The following FRYL variants were observed in gnomAD, a reference collection of about 807,000 sequenced individuals.
FRYL encodes the protein protein furry homolog-like.
FRYL carries 150 observed loss-of-function variants against 351.2 expected under a neutral mutation model. The ratio of observed to expected loss-of-function variants is 0.43; its 90% confidence interval spans 0.37 to 0.49. FRYL has a LOEUF of 0.49. Ranked by LOEUF, FRYL falls within the 20% of genes least tolerant of loss-of-function variation. The pLI is 0.00. For synonymous variants in FRYL, 1,153 were observed against 1,257.1 expected (o/e 0.92, Z 1.75); for missense variants, 3,036 against 3,619.3 (o/e 0.84, Z 4.13).
intron 46 of FRYL, 29 bp from the exon 47 acceptor site, chr4:48,540,097 A>C: frequency 1.3e-6 from 2 of 1,524,082 alleles, no homozygotes; most frequent in Non-Finnish European, 1.8e-6. Context: ...GCAAACAATA[A>C]CCAATTTTAT....
rs763750038 is a variant in FRYL, at chr4:48,579,094, T to C, written c.2407A>G (p.Ile803Val). ...HVTQGQDPWI[I>V]SLSSFLKQEN... ...TGCTTTAAAAAACTGGAGAGACTTA[T>C]AATCCATGGGTCTTGGCCTTGGGTC... Residue 803 changes from isoleucine (I) to valine (V), a missense_variant, in exon 23 of 64, where the codon ATA (isoleucine) becomes GTA (valine). Ile to Val is a conservative substitution (Grantham distance 29). Around this residue, in one of 7 missense-constraint regions of FRYL, gnomAD observed 492 missense variants for 551.5 expected, o/e 0.89. Transcript: ENST00000358350. 4 of 1,614,070 alleles carry C rather than the reference T, an allele frequency of 2.5e-6. No individual in the cohort carries two copies. In the African/African-American group the frequency reaches 4.0e-5, roughly 16 times the overall value.
At chr4:48,772,087 T>A (rs1237386501) in intron 1 of FRYL, among the ~76,000 whole-genome samples, 2 of 152,228 alleles carry the variant, frequency 1.3e-5, no homozygotes, top group African/African-American at 4.8e-5. Context: ...GACATACGAA[T>A]GTCACTAAAT....
At chr4:48,705,981 C>T (rs1205767285) in intron 2 of FRYL, among the ~76,000 whole-genome samples, 2 of 152,114 alleles carry the variant, frequency 1.3e-5, no homozygotes, top group African/African-American at 2.4e-5. Context: ...GAACTACAGG[C>T]ACACGCCACC....
chr4:48,743,021 G>A (rs547723840), intron 1 of FRYL, among the ~76,000 whole-genome samples: 1 of 128,124 alleles, frequency 7.8e-6, no homozygotes, highest in East Asian at 2.4e-4. Context: ...GTTTCATCAC[G>A]TCGATCAGGC....
At chr4:48,576,258 T>A (rs1578191797) in intron 23 of FRYL, 36 bp from the exon 24 acceptor site, 5 of 1,402,896 alleles carry the variant, frequency 3.6e-6, no homozygotes, top group Non-Finnish European at 4.8e-6. Context: ...CAGATATGAA[T>A]AACACAACAC....
chr4:48,509,097 T>C (rs1016854141), intron 59 of FRYL, among the ~76,000 whole-genome samples: 2 of 152,144 alleles, frequency 1.3e-5, no homozygotes, highest in Non-Finnish European at 2.9e-5. Context: ...ATAACCATGA[T>C]GGAAAAGGCT....
chr4:48,720,179 T>C (rs1459727928), intron 1 of FRYL, among the ~76,000 whole-genome samples: 4 of 141,490 alleles, frequency 2.8e-5, no homozygotes, highest in Admixed American at 7.3e-5. Flanking sequence ...AAAATACATA[T>C]AATTTACCAT....
intron 20 of FRYL, 28 bp downstream of exon 20, chr4:48,582,469 A>G: frequency 6.9e-7 from 1 of 1,443,594 alleles, no homozygotes; most frequent in Non-Finnish European, 9.8e-7. Context: ...GACCACATAC[A>G]AAAGGACAAT....
At chr4:48,672,689 A>G (rs1446161629) in intron 3 of FRYL, among the ~76,000 whole-genome samples, 2 of 152,138 alleles carry the variant, frequency 1.3e-5, no homozygotes, top group East Asian at 1.9e-4. Context: ...TCACTTCTGA[A>G]TTCCAAACAA....
In FRYL at chr4:48,540,527, G is replaced by A. The variant is rs1443015317; in HGVS notation, c.6121C>T (p.Arg2041Ter). ...IHLPLDKSES[R>*]EKIENVQSKL... The stretch of plus-strand genomic sequence containing the variant: ...CTTTGTACATTTTCAATCTTCTCTC[G>A]ACTCTCTGATTTATCCAAAGGCAAA... The change falls in exon 46 of 64, where the codon CGA (arginine) becomes TGA (stop). Residue 2041 changes from arginine to a stop codon, truncating the protein, a stop_gained. Transcript: ENST00000358350. LOFTEE classifies it high-confidence loss of function. The A allele has an allele frequency of 6.2e-7, 1 of 1,613,936 alleles. No homozygotes were observed. Among genetic ancestry groups the A allele is most frequent in the East Asian group, 2.2e-5 (1 of 44,876 alleles).
At chr4:48,694,829 TG>T (rs1308268155) in intron 2 of FRYL, among the ~76,000 whole-genome samples, 3 of 152,002 alleles carry the variant, frequency 2.0e-5, no homozygotes, top group African/African-American at 7.2e-5. Context: ...CTCAGCACTT[TG>T]GGGGGCCAAC....
chr4:48,649,659 A>T (rs191511769), intron 3 of FRYL, among the ~76,000 whole-genome samples: 39 of 152,316 alleles, frequency 2.6e-4, no homozygotes, highest in Admixed American at 2.5e-3. Flanking sequence ...TTTTTAAAAG[A>T]AGTAATGCCT....
Position 48,564,616 on chromosome 4 carries a change from A to C in FRYL, c.3441+317T>G, listed in dbSNP as rs148189202. ...AACGAAATGAAACATAGCAAATAAC[A>C]TATTTTTCCCATGCAGCTCAATATG... On this transcript the variant is annotated intron_variant, in intron 30 of 63. Coordinates refer to ENST00000358350, the MANE Select transcript of FRYL (RefSeq NM_015030.2). Among the ~76,000 whole-genome samples, 375 of 152,278 alleles carry C rather than the reference A, an allele frequency of 2.5e-3. 1 individual carries two copies. The highest frequency in any genetic ancestry group is 8.6e-3 in the African/African-American group (357 of 41,546).
At chr4:48,635,531 G>C (rs997300125) in intron 3 of FRYL, among the ~76,000 whole-genome samples, 3 of 152,188 alleles carry the variant, frequency 2.0e-5, no homozygotes, top group African/African-American at 7.2e-5. Flanking sequence ...AGATGGAGAT[G>C]ACACGGTGCT....
rs1359854258 is a variant in FRYL at position 48,576,158 on chromosome 4, T to A, written c.2593A>T (p.Arg865Ter). ...TSSDSYIGLW[R>*]NYLILCCSAA... Reference sequence around the variant, plus strand: ...CTGCAGCAAAGGATCAGATAGTTTCTCCACAGGCCAATGTATGAGTCACTG... The same window carrying A: ...CTGCAGCAAAGGATCAGATAGTTTCACCACAGGCCAATGTATGAGTCACTG... Residue 865 changes from arginine to a stop codon, truncating the protein, a stop_gained, in exon 24 of 64, where the codon AGA becomes TGA. Transcript: ENST00000358350. LOFTEE classifies it high-confidence loss of function. 1 of 1,613,888 alleles carries A rather than the reference T, an allele frequency of 6.2e-7. No individual in the cohort carries two copies. The highest frequency in any genetic ancestry group is 8.5e-7 in the Non-Finnish European group (1 of 1,179,900).
chr4:48,744,851 T>C (rs940122497), intron 1 of FRYL, among the ~76,000 whole-genome samples: 5 of 152,150 alleles, frequency 3.3e-5, no homozygotes, highest in African/African-American at 1.2e-4. Flanking sequence ...CCACCCATAA[T>C]ATAGTGTGAA....
At chr4:48,663,384 A>G (rs189088881) in intron 3 of FRYL, among the ~76,000 whole-genome samples, 1 of 151,220 alleles carries the variant, frequency 6.6e-6, no homozygotes, top group African/African-American at 2.4e-5. Context: ...CAAGAATAGA[A>G]TAAATTAGAA....
At chr4:48,681,227 A>G (rs1764556872) in intron 3 of FRYL, 5 of 381,152 alleles carry the variant, frequency 1.3e-5, no homozygotes, top group Non-Finnish European at 2.0e-5. Context: ...GTCAAAGAGC[A>G]AATAAACGTC....
chr4:48,730,280 G>A (rs562363335), intron 1 of FRYL, among the ~76,000 whole-genome samples: 2 of 152,278 alleles, frequency 1.3e-5, no homozygotes, highest in East Asian at 1.9e-4. Flanking sequence ...TGAAAGTGAT[G>A]GGGAGAAGGA....
Sources: allele counts gnomAD v4.1 joint callset (sites outside exome capture counted in the v4.1 genomes callset), GRCh38; gene constraint gnomAD v4.1.1; regional missense constraint gnomAD v4.1.1; transcripts MANE v1.5; gene names NCBI Gene and HGNC (gene_info 2026-07-23, HGNC 2026-07-21).